MBNL2: variants seen among roughly 807,000 people sequenced by gnomAD.
MBNL2 encodes muscleblind like splicing regulator 2, also known as muscleblind-like protein 2.
MBNL2 carries 17 observed loss-of-function variants against 41.9 expected under a neutral mutation model. That is an observed-to-expected ratio of 0.41 (90% CI 0.28 to 0.61). The LOEUF (loss-of-function observed/expected upper bound fraction) is 0.61, where lower values mean the gene tolerates loss of function less well. Ranked by LOEUF, MBNL2 falls within the 20% of genes least tolerant of loss-of-function variation. The probability of loss-of-function intolerance (pLI) is 0.35; values close to 1 mark genes in which losing one functional copy is unlikely to be tolerated. For synonymous variants in MBNL2, 195 were observed against 182.9 expected (o/e 1.07, Z -0.53); for missense variants, 336 against 505.6 (o/e 0.66, Z 3.22).
At chr13:97,205,888 C>T in the MBNL2 span, among the ~76,000 whole-genome samples, 1 of 152,076 alleles carries the variant, frequency 6.6e-6, no homozygotes, top group South Asian at 2.1e-4. Context: ...AGACAAAAGA[C>T]AACACAAAGA....
At chr13:97,215,172 G>A in the MBNL2 span, among the ~76,000 whole-genome samples, 2 of 152,036 alleles carry the variant, frequency 1.3e-5, no homozygotes, top group African/African-American at 4.8e-5. Flanking sequence ...GACTTCAAAT[G>A]CCCTTAGGCC....
In MBNL2 at chr13:97,393,036, T is replaced by A. The variant is rs2066423029; in HGVS notation, c.*1587T>A. 1 of 152,490 alleles carries A rather than the reference T, an allele frequency of 6.6e-6. No individual in the cohort carries two copies. 9.4% of individuals were successfully genotyped at this position (152,490 alleles called of 1,614,324 possible). Reference sequence around the variant, plus strand: ...TTGGTCAAAGTCGAATTACTATCTATTTATCTTATATCGTAGATCTGATAA... The same window carrying A: ...TTGGTCAAAGTCGAATTACTATCTAATTATCTTATATCGTAGATCTGATAA... On this transcript the variant is annotated 3_prime_UTR_variant, in exon 9 of 9. Transcript: ENST00000679496.
intron 7 of MBNL2, chr13:97,363,144 C>T (rs1394133937): frequency 1.3e-5 from 2 of 152,034 alleles, no homozygotes; most frequent in Non-Finnish European, 2.9e-5. Context: ...AAGTTTGTCC[C>T]TGTTACATTT....
chr13:97,357,128 G>T (rs1002102989), intron 6 of MBNL2, among the ~76,000 whole-genome samples: 1 of 152,114 alleles, frequency 6.6e-6, no homozygotes, highest in Non-Finnish European at 1.5e-5. Context: ...TCAAGAAATT[G>T]CCATTTAGTT....
At chr13:97,370,667 C>CA (rs35877156) in intron 8 of MBNL2, among the ~76,000 whole-genome samples, 54,163 of 137,556 alleles carry the variant, frequency 0.39, 10,214 homozygotes, top group African/African-American at 0.46. Flanking sequence ...GAAACTCCGT[C>CA]AAAAAAAAAA....
chr13:97,157,230 T>C, the MBNL2 span, among the ~76,000 whole-genome samples: 4 of 142,680 alleles, frequency 2.8e-5, no homozygotes, highest in South Asian at 9.6e-4. Context: ...CTTGTGATTT[T>C]TGCACATTGA....
Position 97,347,027 on chromosome 13 carries a change from C to T in MBNL2, c.764C>T (p.Ala255Val), listed in dbSNP as rs148388439. 8.7e-6 allele frequency: 14 copies of T among 1,611,568 alleles called. No individual in the cohort carries two copies. The highest frequency in any genetic ancestry group is 2.7e-5 in the African/African-American group (2 of 74,850). The change falls in exon 5 of 9, where the codon GCG (alanine) becomes GTG (valine). Residue 255 changes from alanine (A) to valine (V), a missense_variant. Physicochemically the swap from Ala to Val is moderately conservative, Grantham distance 64 (BLOSUM62 0). Coordinates refer to ENST00000679496, the MANE Select transcript of MBNL2 (RefSeq NM_001382683.1). Reference protein sequence around the residue: ...KAAQHQANQAAVAAQAAAAAA... With the variant: ...KAAQHQANQAVVAAQAAAAAA... Reference sequence around the variant, plus strand: ...GCGCAGCACCAAGCCAACCAAGCTGCGGTGGCCGCCCAGGCAGCCGCGGCC... The same window carrying T: ...GCGCAGCACCAAGCCAACCAAGCTGTGGTGGCCGCCCAGGCAGCCGCGGCC...
chr13:97,325,339 G>T (rs1453212624), intron 2 of MBNL2, among the ~76,000 whole-genome samples: 1 of 152,104 alleles, frequency 6.6e-6, no homozygotes, highest in East Asian at 1.9e-4. Context: ...CGGTAAGAGG[G>T]GTTTCTCCCT....
At chr13:97,344,057 C>T (rs929668562) in intron 4 of MBNL2, among the ~76,000 whole-genome samples, 12 of 152,216 alleles carry the variant, frequency 7.9e-5, no homozygotes, top group African/African-American at 1.4e-4. Context: ...CCGCCAGCCT[C>T]GGCCTCCCAA....
the MBNL2 span, among the ~76,000 whole-genome samples, chr13:97,216,032 T>C: frequency 1.3e-5 from 2 of 152,260 alleles, no homozygotes; most frequent in Non-Finnish European, 2.9e-5. Flanking sequence ...TGCTTCCTCC[T>C]ATTTTCCTTA....
chr13:97,178,096 A>G, the MBNL2 span, among the ~76,000 whole-genome samples: 1 of 152,238 alleles, frequency 6.6e-6, no homozygotes, highest in Non-Finnish European at 1.5e-5. Context: ...AACAGTGGAT[A>G]CTACACAGAA....
intron 1 of MBNL2, among the ~76,000 whole-genome samples, chr13:97,228,363 T>A (rs1268395789): frequency 1.3e-5 from 2 of 152,112 alleles, no homozygotes; most frequent in East Asian, 3.9e-4. Context: ...AATAATTCAT[T>A]TGCAGAAAAA....
At chr13:97,293,254 C>G (rs2056472776) in intron 2 of MBNL2, among the ~76,000 whole-genome samples, 1 of 152,116 alleles carries the variant, frequency 6.6e-6, no homozygotes, top group Admixed American at 6.5e-5. Flanking sequence ...AATATTCTCA[C>G]TTTTGTTATT....
At chr13:97,295,604 C>T (rs527701457) in intron 2 of MBNL2, among the ~76,000 whole-genome samples, 4 of 152,120 alleles carry the variant, frequency 2.6e-5, no homozygotes, top group Admixed American at 1.3e-4. Flanking sequence ...CAACGTGCAC[C>T]GTAGTAATCT....
intron 1 of MBNL2, among the ~76,000 whole-genome samples, chr13:97,233,765 G>A (rs1449244472): frequency 6.6e-6 from 1 of 151,814 alleles, no homozygotes; most frequent in Non-Finnish European, 1.5e-5. Flanking sequence ...GGGCTGCTGG[G>A]ACCAGCAGAG....
At chr13:97,263,657 A>G (rs2049095236) in intron 1 of MBNL2, among the ~76,000 whole-genome samples, 1 of 152,088 alleles carries the variant, frequency 6.6e-6, no homozygotes, top group South Asian at 2.1e-4. Context: ...TTACTCTGTC[A>G]CCCAGGCTGG....
At chr13:97,342,978 T>G (rs747094167) in intron 3 of MBNL2, 38 bp from the exon 4 acceptor site, 16 of 1,321,544 alleles carry the variant, frequency 1.2e-5, no homozygotes, top group Non-Finnish European at 1.7e-5. Context: ...AGTTTTATTC[T>G]AAATAACTCT....
At chr13:97,178,643 C>T in the MBNL2 span, among the ~76,000 whole-genome samples, 1 of 152,150 alleles carries the variant, frequency 6.6e-6, no homozygotes, top group Non-Finnish European at 1.5e-5. Context: ...CACCTATAGT[C>T]CCAGTACTTT....
chr13:97,230,570 T>C (rs1327083774), intron 1 of MBNL2, among the ~76,000 whole-genome samples: 2 of 152,100 alleles, frequency 1.3e-5, no homozygotes, highest in Non-Finnish European at 2.9e-5. Context: ...TGAACAGAGA[T>C]AGGCAATGAC....
Sources: gnomAD v4.1 joint callset for allele counts (sites outside exome capture counted in the v4.1 genomes callset) on GRCh38, gnomAD v4.1.1 for gene constraint, MANE v1.5 for transcripts, NCBI Gene and HGNC (gene_info 2026-07-23, HGNC 2026-07-21) for gene names.